Variants in SLIT1 observed in about 807,000 individuals in gnomAD.
The protein encoded by SLIT1 is slit homolog 1 protein.
Under a neutral mutation model 186.1 loss-of-function variants are expected in SLIT1, and 66 were observed. The ratio of observed to expected loss-of-function variants is 0.35; its 90% CI spans 0.29 to 0.44. The LOEUF (loss-of-function observed/expected upper bound fraction) is 0.44. Ranked by LOEUF, SLIT1 falls within the 20% of genes least tolerant of loss-of-function variation. The pLI, the probability that SLIT1 is intolerant of heterozygous loss-of-function variation, is 1.00. For missense variants in SLIT1, 1,638 were observed against 2,037.4 expected (o/e 0.80, Z 3.77); for synonymous variants, 761 against 833.8 (o/e 0.91, Z 1.50).
intron 1 of SLIT1, among the ~76,000 whole-genome samples, chr10:97,172,955 G>C (rs1278173276): frequency 6.9e-6 from 1 of 145,876 alleles, no homozygotes; most frequent in East Asian, 2.1e-4. Flanking sequence ...GAGAGAGAGA[G>C]AAGTTTAGAA....
At chr10:97,034,322 G>C (rs558239829) in intron 23 of SLIT1, 149 bp downstream of exon 23, 34 of 666,692 alleles carry the variant, frequency 5.1e-5, no homozygotes, top group Non-Finnish European at 7.3e-5. Flanking sequence ...TTTTTTCAAA[G>C]TCTTTTAGGC....
At chr10:97,060,838 C>A in intron 8 of SLIT1, 51 bp from the exon 9 acceptor site, 1 of 1,514,738 alleles carries the variant, frequency 6.6e-7, no homozygotes, top group South Asian at 1.3e-5. Context: ...CAGCACCTCC[C>A]TTGAGCCCAG....
intron 4 of SLIT1, among the ~76,000 whole-genome samples, chr10:97,076,326 G>T (rs1223152200): frequency 6.6e-6 from 1 of 152,132 alleles, no homozygotes; most frequent in East Asian, 1.9e-4. Flanking sequence ...TGTGCTCCAG[G>T]GCCCTGCTGC....
At chr10:97,061,722 G>C (rs1185907668) in intron 8 of SLIT1, among the ~76,000 whole-genome samples, 1 of 152,174 alleles carries the variant, frequency 6.6e-6, no homozygotes, top group Non-Finnish European at 1.5e-5. Flanking sequence ...GGCTATTATG[G>C]AAAAAGCTGC....
intron 4 of SLIT1, among the ~76,000 whole-genome samples, chr10:97,073,609 G>T (rs1335843394): frequency 6.6e-6 from 1 of 152,208 alleles, no homozygotes; most frequent in African/African-American, 2.4e-5. Context: ...GAAGCTGAAG[G>T]GCGGGACAAG....
chr10:97,113,557 G>GTTT (rs61679099), intron 4 of SLIT1, among the ~76,000 whole-genome samples: 1 of 129,694 alleles, frequency 7.7e-6, no homozygotes, highest in South Asian at 2.5e-4. Context: ...TTTCTTTTAG[G>GTTT]TTTTTTTTTT....
At chr10:97,136,210 G>C (rs1849702076) in intron 4 of SLIT1, among the ~76,000 whole-genome samples, 1 of 152,174 alleles carries the variant, frequency 6.6e-6, no homozygotes, top group Non-Finnish European at 1.5e-5. Context: ...CTCATCCACT[G>C]TAATAGGTGC....
intron 13 of SLIT1, among the ~76,000 whole-genome samples, chr10:97,054,810 T>C (rs1255593803): frequency 2.0e-5 from 3 of 152,052 alleles, no homozygotes; most frequent in Non-Finnish European, 4.4e-5. Context: ...AAAAGAGAAA[T>C]GGAGAGGACA....
Position 97,001,008 on chromosome 10 carries a change from G to A in SLIT1, c.*104C>T, listed in dbSNP as rs894339532. 6.0e-5 allele frequency: 55 copies of A among 909,586 alleles called. No homozygotes were observed. The highest frequency in any genetic ancestry group is 3.5e-4 in the Admixed American group (16 of 45,222). 56.3% of individuals were successfully genotyped at this position (909,586 alleles called of 1,614,324 possible). On this transcript the variant is annotated 3_prime_UTR_variant, in exon 37 of 37. Coordinates refer to ENST00000266058, the MANE Select transcript of SLIT1 (RefSeq NM_003061.3). ...AGGAGGGCCCAGCTGCCCAGGAGCC[G>A]TCCTGTGATGACCTGCACCCCAGCC... is the stretch of plus-strand genomic sequence containing the variant.
At chr10:97,150,618 C>T (rs1168773601) in intron 4 of SLIT1, among the ~76,000 whole-genome samples, 1 of 146,116 alleles carries the variant, frequency 6.8e-6, no homozygotes, top group Non-Finnish European at 1.5e-5. Context: ...AGCAGAGACA[C>T]AAAAGGTCAA....
At chr10:97,096,483 CTGAT>C (rs1849291394) in intron 4 of SLIT1, among the ~76,000 whole-genome samples, 1 of 152,122 alleles carries the variant, frequency 6.6e-6, no homozygotes, top group African/African-American at 2.4e-5. Flanking sequence ...TTTAACAGCT[CTGAT>C]TGAAGCCGGG....
chr10:97,146,339 A>C (rs1368858810), intron 4 of SLIT1, among the ~76,000 whole-genome samples: 1 of 152,174 alleles, frequency 6.6e-6, no homozygotes, highest in East Asian at 1.9e-4. Context: ...GGCCCATCCT[A>C]ACCAAAAATT....
At chr10:97,100,049 C>T (rs1422991865) in intron 4 of SLIT1, among the ~76,000 whole-genome samples, 1 of 152,232 alleles carries the variant, frequency 6.6e-6, no homozygotes, top group East Asian at 1.9e-4. Context: ...ATATTTGAAT[C>T]CAGGCATCTC....
intron 25 of SLIT1, among the ~76,000 whole-genome samples, chr10:97,023,709 G>A (rs561382049): frequency 4.1e-4 from 63 of 152,288 alleles, no homozygotes; most frequent in African/African-American, 1.5e-3. Flanking sequence ...GTGGGAGGCC[G>A]AGGCAGGCAG....
Position 97,010,716 on chromosome 10 carries a change from T to C in SLIT1, c.3341+277A>G, listed in dbSNP as rs1848402987. Among the ~76,000 whole-genome samples the C allele has an allele frequency of 6.6e-6, 1 of 152,142 alleles. No homozygotes were observed. The highest frequency in any genetic ancestry group is 1.5e-5 in the Non-Finnish European group (1 of 68,012). ...CAAGACATGTCTTCAGAGGCTCAGG[T>C]AGGCAGGTAAGTGACAGCACACTGC... On this transcript the variant is annotated intron_variant, in intron 31 of 36. Transcript: ENST00000266058. The surrounding 1 kb of genome is among the most constrained non-coding windows in gnomAD (Gnocchi z 4.8).
chr10:97,036,281 T>G (rs1171062896), intron 22 of SLIT1, among the ~76,000 whole-genome samples: 1 of 152,184 alleles, frequency 6.6e-6, no homozygotes, highest in Non-Finnish European at 1.5e-5. Flanking sequence ...GAGGAGGTGG[T>G]GGTACTTCAG....
intron 4 of SLIT1, among the ~76,000 whole-genome samples, chr10:97,144,611 G>C (rs560618162): frequency 1.3e-5 from 2 of 152,132 alleles, no homozygotes; most frequent in Non-Finnish European, 2.9e-5. Flanking sequence ...CAGTGGAACT[G>C]AGGGCAGGCC....
intron 6 of SLIT1, 80 bp from the exon 7 acceptor site, chr10:97,064,319 G>A: frequency 1.7e-6 from 2 of 1,193,690 alleles, no homozygotes; most frequent in African/African-American, 1.5e-5. Context: ...CTAACGAACA[G>A]GGAGGCTCTC....
intron 2 of SLIT1, 74 bp downstream of exon 2, chr10:97,164,745 C>T (rs1290419841): frequency 8.5e-7 from 1 of 1,170,106 alleles, no homozygotes; most frequent in Non-Finnish European, 1.3e-6. Context: ...ACCCTACCAC[C>T]CACAGCCAGG....
Sources: gnomAD v4.1 joint callset for allele counts (sites outside exome capture counted in the v4.1 genomes callset) on GRCh38, gnomAD v4.1.1 for gene constraint, Gnocchi (gnomAD v3.1) non-coding constraint, MANE v1.5 for transcripts, NCBI Gene and HGNC (gene_info 2026-07-23, HGNC 2026-07-21) for gene names.